PCDH15: variants seen among roughly 807,000 people sequenced by gnomAD.
The protein encoded by PCDH15 is protocadherin related 15.
Under a neutral mutation model 178.5 loss-of-function variants are expected in PCDH15, and 129 were observed. That is an observed-to-expected ratio of 0.72 (90% confidence interval 0.63 to 0.84). The LOEUF (loss-of-function observed/expected upper bound fraction) is 0.84, where lower values mean the gene tolerates loss of function less well. Ranked by LOEUF, PCDH15 falls within the 40% of genes least tolerant of loss-of-function variation. The pLI is 0.00. For synonymous variants in PCDH15, 800 were observed against 732.0 expected, an observed-to-expected ratio of 1.09 and a Z score of -1.50; for missense variants, 2,230 against 2,099.9, an observed-to-expected ratio of 1.06 and a Z score of -1.21.
At position 54,299,887 on chromosome 10, in the gene PCDH15, G is replaced by A. The variant is rs540918922; in HGVS notation, c.876+17384C>T. 1.2e-4 allele frequency among the ~76,000 whole-genome samples: 18 copies of A among 152,246 alleles called. No individual in the cohort carries two copies. The South Asian group carries it at 2.9e-3, about 25-fold the overall frequency. ...AATTCTAAGTTAATATGGACTGAAC[G>A]AGGTTTTCATTAATAGTAAAGAAAA... On this transcript the variant is annotated intron_variant, in intron 8 of 37. Coordinates refer to ENST00000644397, the MANE Select transcript of PCDH15 (RefSeq NM_001384140.1).
At chr10:54,121,900 T>C (rs1404392986) in intron 15 of PCDH15, among the ~76,000 whole-genome samples, 2 of 151,944 alleles carry the variant, frequency 1.3e-5, no homozygotes, top group South Asian at 2.1e-4. Flanking sequence ...GAAGAGCTGA[T>C]AGTAATTCTA....
In PCDH15 at chr10:54,454,141, CAA is replaced by C. The variant is rs1057384354; in HGVS notation, c.157+73669_157+73670del. Among the ~76,000 whole-genome samples the C allele has an allele frequency of 3.6e-4, 54 of 148,940 alleles. 1 individual carries two copies. The highest frequency in any genetic ancestry group is 1.3e-3 in the African/African-American group (54 of 40,940). ...ACAGATTTATATAATTTTGTAAACA[CAA>C]AATAGATTTATATAGTTTTATAAAT... On this transcript the variant is annotated intron_variant, in intron 3 of 37. Transcript: ENST00000644397.
At chr10:55,309,191 T>G (rs1843512146) in intron 1 of PCDH15, among the ~76,000 whole-genome samples, 1 of 152,190 alleles carries the variant, frequency 6.6e-6, no homozygotes, top group African/African-American at 2.4e-5. Flanking sequence ...TATATTCAAG[T>G]TGTATAATAT....
rs1157167560 is a variant in PCDH15, at chr10:54,187,075, C to T, written c.1306-1807G>A. ...CACTGGGCTTTTAAGCACATATACACTTCTCTAAATGCACCAACAATGGTG... is the reference window on the plus strand; with the variant it reads ...CACTGGGCTTTTAAGCACATATACATTTCTCTAAATGCACCAACAATGGTG... On this transcript the variant is annotated intron_variant, in intron 11 of 37. Transcript: ENST00000644397. Among the ~76,000 whole-genome samples, 3 of 151,936 alleles carry T rather than the reference C, an allele frequency of 2.0e-5. No homozygotes were observed. The East Asian group carries it at 5.8e-4, about 29-fold the overall frequency.
chr10:55,405,669 TAA>T (rs1008370732), intron 2 of PCDH15, among the ~76,000 whole-genome samples: 2 of 151,888 alleles, frequency 1.3e-5, no homozygotes, highest in African/African-American at 4.8e-5. Flanking sequence ...AAAGTATAAC[TAA>T]ATATATAAGA....
intron 2 of PCDH15, among the ~76,000 whole-genome samples, chr10:55,045,413 T>A (rs11593351): frequency 0.47 from 70,892 of 151,944 alleles, 18,157 homozygotes; most frequent in East Asian, 0.75. Flanking sequence ...AATAACTTAT[T>A]CACATCCTAA....
chr10:54,586,762 G>A (rs755772623), intron 2 of PCDH15, among the ~76,000 whole-genome samples: 1 of 152,072 alleles, frequency 6.6e-6, no homozygotes, highest in Non-Finnish European at 1.5e-5. Flanking sequence ...CTAAAGTGCT[G>A]GGATTACAGG....
intron 10 of PCDH15, among the ~76,000 whole-genome samples, chr10:54,197,314 T>C (rs1227917549): frequency 6.6e-6 from 1 of 151,950 alleles, no homozygotes; most frequent in Non-Finnish European, 1.5e-5. Flanking sequence ...AGATTTTCTG[T>C]TTTTTAAAAA....
intron 2 of PCDH15, among the ~76,000 whole-genome samples, chr10:55,597,871 C>T (rs1467125232): frequency 6.6e-6 from 1 of 151,948 alleles, no homozygotes; most frequent in East Asian, 1.9e-4. Context: ...TAGATGGGTC[C>T]GCAAAACCCC....
chr10:54,205,235 G>C (rs1276113869), intron 10 of PCDH15, among the ~76,000 whole-genome samples: 2 of 152,030 alleles, frequency 1.3e-5, no homozygotes. Flanking sequence ...ATAGGTAGCT[G>C]TTACACTAAA....
Position 55,409,357 on chromosome 10 carries a change from C to G in PCDH15, c.-156+218268G>C, listed in dbSNP as rs150263677. Reference sequence around the variant, plus strand: ...AGCACCCTGGCATCATCTTTGACTCCTGTTTTTGTCTCTCATGTTACTGTC... The same window carrying G: ...AGCACCCTGGCATCATCTTTGACTCGTGTTTTTGTCTCTCATGTTACTGTC... On this transcript the variant is annotated intron_variant, in intron 2 of 5. Transcript: ENST00000613346. 2.6e-3 allele frequency among the ~76,000 whole-genome samples: 391 copies of G among 152,266 alleles called. 4 individuals are homozygous for G. The highest frequency in any genetic ancestry group is 9.1e-3 in the African/African-American group (380 of 41,570).
chr10:54,062,260 C>CAAAAA (rs1449179864), intron 18 of PCDH15, among the ~76,000 whole-genome samples: 1 of 74,402 alleles, frequency 1.3e-5, no homozygotes, highest in Non-Finnish European at 2.6e-5. Context: ...AAACAAAAAA[C>CAAAAA]AACTAAATGA....
At chr10:54,451,617 T>TA (rs1202151412) in intron 3 of PCDH15, among the ~76,000 whole-genome samples, 3 of 151,928 alleles carry the variant, frequency 2.0e-5, no homozygotes, top group Admixed American at 6.6e-5. Context: ...GGATAGTTTT[T>TA]ACACATGTAA....
chr10:54,191,325 G>A (rs867927294), intron 11 of PCDH15, among the ~76,000 whole-genome samples: 4 of 152,156 alleles, frequency 2.6e-5, no homozygotes, highest in Non-Finnish European at 4.4e-5. Flanking sequence ...AATGAATACC[G>A]TGGAAAGATT....
chr10:53,886,595 C>CTTT (rs36171553), intron 26 of PCDH15, among the ~76,000 whole-genome samples: 20 of 72,804 alleles, frequency 2.7e-4, no homozygotes, highest in African/African-American at 8.4e-4. Context: ...ATGTATGCCT[C>CTTT]TTTTTTTTTT....
Position 55,005,097 on chromosome 10 carries a change from G to A in PCDH15, c.-79-107597C>T, listed in dbSNP as rs536634538. 4.6e-5 allele frequency among the ~76,000 whole-genome samples: 7 copies of A among 151,852 alleles called. 1 individual carries two copies. Among genetic ancestry groups the A allele is most frequent in the African/African-American group, 1.7e-4 (7 of 41,456 alleles). ...ATCAATAATAATGAATGGAGCGAGGGGTGATGGTACGTTCCTGTAGTCCCA... is the reference window on the plus strand; with the variant it reads ...ATCAATAATAATGAATGGAGCGAGGAGTGATGGTACGTTCCTGTAGTCCCA... On this transcript the variant is annotated intron_variant, in intron 2 of 5. Coordinates refer to the PCDH15 transcript ENST00000458638.
rs1245556045 is a variant in PCDH15, at chr10:53,961,872, C to T, written c.2889G>A (p.Val963=). Residue 963 remains valine (V), a synonymous_variant, in exon 22 of 38, where the codon GTG becomes GTA. Transcript: ENST00000644397. ...ADPPGLPASR[V]RYRVDDVQFP... is the part of the protein sequence containing the mutation. The stretch of plus-strand genomic sequence containing the variant: ...ACTGTACATCATCTACTCTATACCT[C>T]ACACGACTTGCAGGTAATCCCTAAA... 2 of 1,609,640 alleles carry T rather than the reference C, an allele frequency of 1.2e-6. No individual in the cohort carries two copies. Among genetic ancestry groups the T allele is most frequent in the South Asian group, 1.1e-5 (1 of 90,706 alleles).
At chr10:53,828,628 TTAA>T (rs2076845844) in intron 30 of PCDH15, 55 bp from the exon 31 acceptor site, 1 of 1,354,708 alleles carries the variant, frequency 7.4e-7, no homozygotes, top group African/African-American at 1.4e-5. Context: ...AACTATTGCA[TTAA>T]TAACATTTTA....
At chr10:55,050,253 G>T (rs1399585708) in intron 2 of PCDH15, among the ~76,000 whole-genome samples, 1 of 151,944 alleles carries the variant, frequency 6.6e-6, no homozygotes, top group Non-Finnish European at 1.5e-5. Context: ...CCACTTGCAA[G>T]CTATGAGATT....
Sources: gnomAD v4.1 joint callset for allele counts (sites outside exome capture counted in the v4.1 genomes callset) on GRCh38, gnomAD v4.1.1 for gene constraint, MANE v1.5 for transcripts, NCBI Gene and HGNC (gene_info 2026-07-23, HGNC 2026-07-21) for gene names.